NDUFA13: variants seen among roughly 807,000 people sequenced by gnomAD.
NDUFA13 encodes NADH:ubiquinone oxidoreductase subunit A13.
Under a neutral mutation model 17.0 loss-of-function variants are expected in NDUFA13, and 16 were observed. That is an observed-to-expected ratio of 0.94 (90% CI 0.64 to 1.43). The LOEUF (loss-of-function observed/expected upper bound fraction) is 1.43, where lower values mean the gene tolerates loss of function less well. Among genes scored for constraint, NDUFA13 ranks in the 40% most tolerant of loss-of-function variants. NDUFA13 has a pLI of 0.00. For missense variants in NDUFA13, 228 were observed against 206.7 expected (o/e 1.10, Z -0.63); for synonymous variants, 87 against 78.4 (o/e 1.11, Z -0.58).
At chr19:19,524,378 A>T (rs1182230844) in intron 1 of NDUFA13, among the ~76,000 whole-genome samples, 1 of 152,122 alleles carries the variant, frequency 6.6e-6, no homozygotes, top group African/African-American at 2.4e-5. Flanking sequence ...TTTGGAATTT[A>T]TTTCTTCTTT....
chr19:19,525,217 C>G (rs1283121524), intron 1 of NDUFA13, among the ~76,000 whole-genome samples: 1 of 152,194 alleles, frequency 6.6e-6, no homozygotes, highest in African/African-American at 2.4e-5. Flanking sequence ...ATGTCTTAGC[C>G]CTGACTTGGG....
chr19:19,527,428 G>A (rs2061107193), intron 3 of NDUFA13, 76 bp downstream of exon 3: 15 of 1,552,612 alleles, frequency 9.7e-6, no homozygotes, highest in East Asian at 6.7e-5. Flanking sequence ...CTGCATCCCC[G>A]AAGGTGGCCA....
chr19:19,524,557 C>T (rs959168290), intron 1 of NDUFA13, among the ~76,000 whole-genome samples: 2 of 152,124 alleles, frequency 1.3e-5, no homozygotes, highest in Non-Finnish European at 2.9e-5. Context: ...CGGTGGCTCA[C>T]GCCTGTAATG....
At position 19,516,343 on chromosome 19, in the gene NDUFA13, C is replaced by T; in HGVS notation, c.94+11C>T. The T allele has an allele frequency of 6.2e-7, 1 of 1,612,924 alleles. No individual in the cohort carries two copies. Among genetic ancestry groups the T allele is most frequent in the South Asian group, 1.1e-5 (1 of 91,078 alleles). ...GTCGAGGACTGTCGGGTCAGTATCA[C>T]TCTGCGCCGGGGTCTCAGAGTCTGG... On this transcript the variant is annotated intron_variant, in intron 1 of 4. Transcript: ENST00000507754.
chr19:19,519,462 G>A (rs1368039309), intron 1 of NDUFA13, among the ~76,000 whole-genome samples: 6 of 152,156 alleles, frequency 3.9e-5, no homozygotes, highest in Admixed American at 3.9e-4. Context: ...TCCTAATGGT[G>A]TGGACTTTTG....
At chr19:19,517,160 C>A (rs547536677) in intron 1 of NDUFA13, among the ~76,000 whole-genome samples, 1 of 152,212 alleles carries the variant, frequency 6.6e-6, no homozygotes, top group South Asian at 2.1e-4. Context: ...AAAAAGAGAA[C>A]TTAAAAGGCG....
Position 19,528,097 on chromosome 19 carries a change from G to A in NDUFA13, c.406G>A (p.Ala136Thr), listed in dbSNP as rs767344933. 1.6e-5 allele frequency: 26 copies of A among 1,611,684 alleles called. No homozygotes were observed. In the Admixed American group the frequency reaches 4.3e-4, roughly 27 times the overall value. Residue 136 changes from alanine (A) to threonine (T), a missense_variant, in exon 5 of 5, where the codon GCC (alanine) becomes ACC (threonine). Transcript: ENST00000507754. Reference sequence around the variant, plus strand: ...GCGCACCACAGAGGAGGCTCTCCATGCCAGCCACGGCTTCATGTGGTACAC... The same window carrying A: ...GCGCACCACAGAGGAGGCTCTCCATACCAGCCACGGCTTCATGTGGTACAC... ...GLRTTEEALH[A>T]SHGFMWYT
chr19:19,523,500 C>G (rs955624121), intron 1 of NDUFA13, among the ~76,000 whole-genome samples: 1 of 152,000 alleles, frequency 6.6e-6, no homozygotes, highest in Non-Finnish European at 1.5e-5. Context: ...TCTCTGTCAC[C>G]TAGGCTGGAG....
chr19:19,527,307 C>T lies in NDUFA13; in HGVS notation c.200C>T (p.Ala67Val). The T allele has an allele frequency of 6.2e-7, 1 of 1,613,976 alleles. No individual in the cohort carries two copies. Among genetic ancestry groups the T allele is most frequent in the Non-Finnish European group, 8.5e-7 (1 of 1,180,022 alleles). ...CGCCTACAAATCGAGGACTTCGAGG[C>T]TCGCATCGCGCTGTTGCCACTGTTA... ...RRRLQIEDFE[A>V]RIALLPLLQA... Residue 67 changes from alanine (A) to valine (V), a missense_variant, in exon 3 of 5, where the codon GCT (alanine) becomes GTT (valine). Coordinates refer to ENST00000507754, the MANE Select transcript of NDUFA13 (RefSeq NM_015965.7).
intron 1 of NDUFA13, among the ~76,000 whole-genome samples, chr19:19,524,800 C>T (rs773417848): frequency 1.4e-4 from 21 of 151,564 alleles, no homozygotes; most frequent in Non-Finnish European, 2.5e-4. Context: ...AGTGAGATTC[C>T]GTCTCAAAAA....
intron 1 of NDUFA13, among the ~76,000 whole-genome samples, chr19:19,516,561 A>G (rs532377303): frequency 6.6e-6 from 1 of 152,308 alleles, no homozygotes; most frequent in East Asian, 1.9e-4. Context: ...CTAGTTATTT[A>G]CGTTTTACAG....
intron 4 of NDUFA13, 71 bp downstream of exon 4, chr19:19,527,841 C>T (rs2144647936): frequency 1.3e-6 from 2 of 1,514,252 alleles, no homozygotes; most frequent in Non-Finnish European, 1.8e-6. Flanking sequence ...GGAGCTCCCA[C>T]AGCTTTCTAT....
intron 1 of NDUFA13, among the ~76,000 whole-genome samples, chr19:19,524,405 A>G (rs1023662615): frequency 6.6e-6 from 1 of 152,192 alleles, no homozygotes; most frequent in South Asian, 2.1e-4. Context: ...TATCTTACAG[A>G]TGGGCCTGCG....
chr19:19,525,067 T>G (rs1449764241), intron 1 of NDUFA13, among the ~76,000 whole-genome samples: 2 of 151,014 alleles, frequency 1.3e-5, no homozygotes, highest in Non-Finnish European at 2.9e-5. Context: ...GAAAAAAAAA[T>G]GAACAAGGCA....
intron 2 of NDUFA13, chr19:19,526,637 G>T: frequency 2.9e-6 from 1 of 348,644 alleles, no homozygotes; most frequent in Admixed American, 3.8e-5. Flanking sequence ...GGCCTGCCTC[G>T]GGCCCTCTAA....
chr19:19,527,427 C>T (rs538129519), intron 3 of NDUFA13, 75 bp downstream of exon 3: 26 of 1,546,646 alleles, frequency 1.7e-5, no homozygotes, highest in African/African-American at 9.5e-5. Context: ...CCTGCATCCC[C>T]GAAGGTGGCC....
Position 19,526,190 on chromosome 19 carries a change from A to G in NDUFA13, c.103A>G (p.Met35Val). 4 of 1,614,026 alleles carry G rather than the reference A, an allele frequency of 2.5e-6. No homozygotes were observed. Among genetic ancestry groups the G allele is most frequent in the African/African-American group, 1.3e-5 (1 of 75,068 alleles). The change falls in exon 2 of 5, where the codon ATG becomes GTG. Residue 35 changes from methionine (M) to valine (V), a missense_variant. Met to Val is a conservative substitution (Grantham distance 21, BLOSUM62 1). Transcript: ENST00000507754. ...LPRRGLSGYSMLAIGIGTLIY... is the reference protein window; with the variant it reads ...LPRRGLSGYSVLAIGIGTLIY... ...AGCGCCTCTCTTCACAGGCTACAGC[A>G]TGCTGGCCATAGGGATTGGAACCCT...
intron 1 of NDUFA13, among the ~76,000 whole-genome samples, chr19:19,524,376 T>G (rs937720698): frequency 2.0e-5 from 3 of 152,214 alleles, no homozygotes; most frequent in African/African-American, 7.2e-5. Context: ...GTTTTGGAAT[T>G]TATTTCTTCT....
chr19:19,516,259 G>C lies in NDUFA13; in HGVS notation c.21G>C (p.Lys7Asn), dbSNP rs139543269. 38 of 1,613,912 alleles carry C rather than the reference G, an allele frequency of 2.4e-5. No homozygotes were observed. In the African/African-American group the frequency reaches 4.8e-4, roughly 20 times the overall value. Residue 7 changes from lysine (K) to asparagine (N), a missense_variant, in exon 1 of 5, where the codon AAG becomes AAC. Coordinates refer to ENST00000507754, the MANE Select transcript of NDUFA13 (RefSeq NM_015965.7). ...CGAGTATGGCGGCGTCAAAGGTGAA[G>C]CAGGACATGCCTCCGCCGGGGGGCT... Reference protein sequence around the residue: MAASKVKQDMPPPGGYG... With the variant: MAASKVNQDMPPPGGYG...
Sources: gnomAD v4.1 joint callset for allele counts (sites outside exome capture counted in the v4.1 genomes callset) on GRCh38, gnomAD v4.1.1 for gene constraint, MANE v1.5 for transcripts, NCBI Gene and HGNC (gene_info 2026-07-23, HGNC 2026-07-21) for gene names.